Variants in KAZN observed in about 807,000 individuals in gnomAD.
KAZN encodes kazrin.
Under a neutral mutation model 87.4 loss-of-function variants are expected in KAZN, and 40 were observed. The observed-to-expected ratio is 0.46, with a 90% CI of 0.36 to 0.60. KAZN has a LOEUF of 0.60. Ranked by LOEUF, KAZN falls within the 20% of genes least tolerant of loss-of-function variation. KAZN has a pLI of 0.00. For synonymous variants in KAZN, 466 were observed against 458.3 expected (o/e 1.02, Z -0.22); for missense variants, 898 against 1,073.9 (o/e 0.84, Z 2.29).
At chr1:14,335,615 C>A (rs1010609997) in intron 2 of KAZN, among the ~76,000 whole-genome samples, 7 of 152,152 alleles carry the variant, frequency 4.6e-5, no homozygotes, top group African/African-American at 1.7e-4. Flanking sequence ...AGAAGCCAAG[C>A]AGAGGCTGGT....
intron 2 of KAZN, among the ~76,000 whole-genome samples, chr1:14,473,388 G>T (rs1437699612): frequency 6.6e-6 from 1 of 152,116 alleles, no homozygotes; most frequent in African/African-American, 2.4e-5. Context: ...CAACACTTTG[G>T]GAGGCCGAGG....
At chr1:15,008,306 G>A (rs906279136) in intron 2 of KAZN, among the ~76,000 whole-genome samples, 1 of 152,156 alleles carries the variant, frequency 6.6e-6, no homozygotes, top group African/African-American at 2.4e-5. Flanking sequence ...GCCAGAAGTG[G>A]CAGGTGTTAC....
chr1:14,990,538 A>G (rs1235533984), intron 2 of KAZN, among the ~76,000 whole-genome samples: 1 of 151,994 alleles, frequency 6.6e-6, no homozygotes, highest in Non-Finnish European at 1.5e-5. Context: ...ACCTGTTTTT[A>G]TAAATAAAGT....
upstream of KAZN, among the ~76,000 whole-genome samples, chr1:14,595,464 G>A (rs1194489369): frequency 6.6e-6 from 1 of 152,002 alleles, no homozygotes; most frequent in Non-Finnish European, 1.5e-5. Context: ...GATTGCTTGA[G>A]GTCAGGAGTT....
intron 1 of KAZN, among the ~76,000 whole-genome samples, chr1:14,880,630 C>T (rs1380976078): frequency 6.6e-6 from 1 of 152,126 alleles, no homozygotes; most frequent in African/African-American, 2.4e-5. Context: ...GTTCCTCTTC[C>T]AAGATGATGA....
intron 2 of KAZN, among the ~76,000 whole-genome samples, chr1:14,187,523 T>A (rs188452043): frequency 3.3e-5 from 5 of 152,218 alleles, no homozygotes; most frequent in Non-Finnish European, 5.9e-5. Context: ...TAATACCCAA[T>A]CCCACCATCA....
chr1:14,167,308 TCG>T (rs1156851252), intron 1 of KAZN, among the ~76,000 whole-genome samples: 2 of 152,290 alleles, frequency 1.3e-5, no homozygotes, highest in Non-Finnish European at 2.9e-5. Context: ...CTAGAGAGAA[TCG>T]CCTCCCCTCA....
At chr1:13,959,757 G>A (rs1429943356) in intron 1 of KAZN, among the ~76,000 whole-genome samples, 1 of 152,102 alleles carries the variant, frequency 6.6e-6, no homozygotes, top group African/African-American at 2.4e-5. Flanking sequence ...CCTCCACCCT[G>A]GGAAATTACC....
chr1:15,088,286 C>A (rs1214863836), intron 8 of KAZN, among the ~76,000 whole-genome samples: 1 of 152,220 alleles, frequency 6.6e-6, no homozygotes, highest in Non-Finnish European at 1.5e-5. Flanking sequence ...GTCTGCTGAC[C>A]TCTATGCTGG....
intron 2 of KAZN, among the ~76,000 whole-genome samples, chr1:14,986,029 A>G (rs2101922573): frequency 6.6e-6 from 1 of 151,286 alleles, no homozygotes; most frequent in South Asian, 2.1e-4. Context: ...AAAAAAGGAA[A>G]GAAAGACCCA....
intron 8 of KAZN, among the ~76,000 whole-genome samples, chr1:15,072,087 C>T (rs1639530462): frequency 1.3e-5 from 2 of 152,156 alleles, no homozygotes; most frequent in African/African-American, 4.8e-5. Context: ...GTTCTGGCCC[C>T]ACATCTGATT....
chr1:14,368,854 G>A (rs954685744), intron 2 of KAZN, among the ~76,000 whole-genome samples: 4 of 152,188 alleles, frequency 2.6e-5, no homozygotes, highest in Admixed American at 6.5e-5. Flanking sequence ...AGGTAGAGAG[G>A]TACTGGCTTT....
At chr1:14,417,050 G>A (rs1235023179) in intron 2 of KAZN, among the ~76,000 whole-genome samples, 1 of 149,916 alleles carries the variant, frequency 6.7e-6, no homozygotes, top group Non-Finnish European at 1.5e-5. Flanking sequence ...ACGTTAACCA[G>A]GTGTAGTGGC....
intron 1 of KAZN, among the ~76,000 whole-genome samples, chr1:14,860,454 A>G (rs964762459): frequency 2.0e-5 from 3 of 152,018 alleles, no homozygotes; most frequent in Non-Finnish European, 2.9e-5. Flanking sequence ...AGCCTCCAAA[A>G]CTGCTGGGAT....
rs572123710 is a variant in KAZN at position 14,998,056 on chromosome 1, G to A, written c.419-36693G>A. ...TTTGTCATGAGGCAGGCAGGAAGTCGAACTGTGGGTCTGTGCCCAGGAGCA... is the reference window on the plus strand; with the variant it reads ...TTTGTCATGAGGCAGGCAGGAAGTCAAACTGTGGGTCTGTGCCCAGGAGCA... On this transcript the variant is annotated intron_variant, in intron 2 of 14. Coordinates refer to ENST00000376030, the MANE Select transcript of KAZN (RefSeq NM_201628.3). Among the ~76,000 whole-genome samples, 14 of 152,106 alleles carry A rather than the reference G, an allele frequency of 9.2e-5. No homozygotes were observed. The East Asian group carries it at 2.1e-3, about 23-fold the overall frequency.
intron 2 of KAZN, among the ~76,000 whole-genome samples, chr1:14,334,794 G>T (rs1657108575): frequency 6.6e-6 from 1 of 152,130 alleles, no homozygotes; most frequent in South Asian, 2.1e-4. Flanking sequence ...CATGGCAGCT[G>T]ACTTCCCCCA....
intron 2 of KAZN, among the ~76,000 whole-genome samples, chr1:14,235,188 T>C (rs1320797902): frequency 6.6e-6 from 1 of 152,046 alleles, no homozygotes; most frequent in Non-Finnish European, 1.5e-5. Flanking sequence ...CACAATGAAA[T>C]ATTATTCATC....
intron 2 of KAZN, among the ~76,000 whole-genome samples, chr1:15,003,116 A>G (rs1668663896): frequency 6.6e-6 from 1 of 152,142 alleles, no homozygotes; most frequent in Non-Finnish European, 1.5e-5. Flanking sequence ...CACGGCTGGG[A>G]CGGGGCAGAG....
intron 1 of KAZN, among the ~76,000 whole-genome samples, chr1:14,816,307 C>T (rs1247689874): frequency 6.6e-6 from 1 of 152,196 alleles, no homozygotes; most frequent in Non-Finnish European, 1.5e-5. Flanking sequence ...CTCCGAGTCT[C>T]ACAAGGCTGC....
Sources: gnomAD v4.1 joint callset for allele counts (sites outside exome capture counted in the v4.1 genomes callset) on GRCh38, gnomAD v4.1.1 for gene constraint, MANE v1.5 for transcripts, NCBI Gene and HGNC (gene_info 2026-07-23, HGNC 2026-07-21) for gene names.